The following ACMSD variants were observed in gnomAD, a reference collection of about 807,000 sequenced individuals.
ACMSD encodes the protein aminocarboxymuconate semialdehyde decarboxylase.
ACMSD carries 37 observed loss-of-function variants against 45.9 expected under a neutral mutation model. The ratio of observed to expected loss-of-function variants is 0.81; its 90% CI spans 0.62 to 1.06. The LOEUF is 1.06. Ranked by LOEUF, ACMSD falls within the 50% of genes least tolerant of loss-of-function variation. The pLI, the probability that ACMSD is intolerant of heterozygous loss-of-function variation, is 0.00. For synonymous variants in ACMSD, 138 were observed against 148.8 expected (o/e 0.93, Z 0.53); for missense variants, 434 against 420.9 (o/e 1.03, Z -0.27).
intron 1 of ACMSD, among the ~76,000 whole-genome samples, chr2:134,840,488 C>A (rs1573607495): frequency 1.3e-5 from 2 of 152,290 alleles, no homozygotes; most frequent in South Asian, 4.1e-4. Flanking sequence ...TTAGGAGATG[C>A]AGCCTTCTGG....
intron 8 of ACMSD, among the ~76,000 whole-genome samples, chr2:134,892,839 C>G (rs1689878584): frequency 6.6e-6 from 1 of 152,154 alleles, no homozygotes; most frequent in South Asian, 2.1e-4. Context: ...TGAGTAAATA[C>G]TTAGATGACA....
intron 1 of ACMSD, among the ~76,000 whole-genome samples, chr2:134,841,001 G>A (rs545426435): frequency 6.6e-6 from 1 of 152,296 alleles, no homozygotes; most frequent in East Asian, 1.9e-4. Flanking sequence ...TTATGAGTGA[G>A]AACATATGAT....
At chr2:134,890,962 A>G (rs1007766023) in intron 8 of ACMSD, among the ~76,000 whole-genome samples, 1 of 151,942 alleles carries the variant, frequency 6.6e-6, no homozygotes, top group Non-Finnish European at 1.5e-5. Context: ...TCTTTGCTCA[A>G]TTTTTAATGG....
Position 134,886,250 on chromosome 2 carries a change from T to A in ACMSD, c.850-12091T>A, listed in dbSNP as rs962910796. On this transcript the variant is annotated intron_variant, in intron 8 of 9. Transcript: ENST00000356140. ...TACCCATTCATTATTATTATTATTTTTTTTTTTTTTTTTTTTTTGGCAGAG... is the reference window on the plus strand; with the variant it reads ...TACCCATTCATTATTATTATTATTTATTTTTTTTTTTTTTTTTTGGCAGAG... Among the ~76,000 whole-genome samples, 351 of 137,284 alleles carry A rather than the reference T, an allele frequency of 2.6e-3. 2 individuals are homozygous for A. Among genetic ancestry groups the A allele is most frequent in the African/African-American group, 7.3e-3 (260 of 35,760 alleles). The allele number at this position is 137,284 out of a possible 152,430, so 90.1% of individuals were successfully genotyped here. A position where few individuals can be genotyped will look rare whatever the true frequency, so the allele number is the denominator to read the frequency against.
chr2:134,848,753 T>C (rs1687197876), intron 2 of ACMSD, among the ~76,000 whole-genome samples: 1 of 152,250 alleles, frequency 6.6e-6, no homozygotes, highest in Admixed American at 6.5e-5. Context: ...TAGTTTATTT[T>C]GCTATGCAGA....
rs1300580743 is a variant in ACMSD, at chr2:134,840,194, C to CAAAACAAAAAAAAAA, written c.57+1455_57+1456insAAAACAAAAAAAAAA. ...AAAAAAAAAAAAAAAAAAAAAAAAA[C>CAAAACAAAAAAAAAA]CACTAATTCCTCTGTTACAGCTTTT... On this transcript the variant is annotated intron_variant, in intron 1 of 9. Transcript: ENST00000356140. Among the ~76,000 whole-genome samples the CAAAACAAAAAAAAAA allele has an allele frequency of 1.2e-4, 8 of 68,766 alleles. 1 individual carries two copies. The South Asian group carries it at 4.7e-3, about 40-fold the overall frequency. The allele number at this position is 68,766 out of a possible 152,430, so 45.1% of individuals were successfully genotyped here.
chr2:134,898,236 G>A (rs569058214), intron 8 of ACMSD, 105 bp from the exon 9 acceptor site: 2 of 597,368 alleles, frequency 3.3e-6, no homozygotes, highest in East Asian at 6.6e-5. Context: ...AGGAAAAAAT[G>A]TGTTATTTTT....
chr2:134,885,377 AAT>A lies in ACMSD; in HGVS notation c.849+12743_849+12744del, dbSNP rs1468944083. 4.8e-5 allele frequency among the ~76,000 whole-genome samples: 5 copies of A among 105,090 alleles called. No individual in the cohort carries two copies. In the East Asian group the frequency reaches 7.5e-4, roughly 16 times the overall value. The allele number at this position is 105,090 out of a possible 152,430, so 68.9% of individuals were successfully genotyped here. On this transcript the variant is annotated intron_variant, in intron 8 of 9. Transcript: ENST00000356140. ...ATATATTTACATATATATTATATAT[AAT>A]ATATATGTAAATATATATATTTATA... is the stretch of plus-strand genomic sequence containing the variant.
chr2:134,851,603 C>T (rs1032848473), intron 2 of ACMSD, among the ~76,000 whole-genome samples: 6 of 152,066 alleles, frequency 3.9e-5, no homozygotes, highest in Admixed American at 1.3e-4. Flanking sequence ...GCACCATATC[C>T]GGCTAATTTT....
chr2:134,867,474 C>A, intron 5 of ACMSD, 105 bp from the exon 6 acceptor site: 1 of 777,476 alleles, frequency 1.3e-6, no homozygotes. Context: ...TTTATTTGTG[C>A]AGACCAATAT....
Position 134,849,835 on chromosome 2 carries a change from C to T in ACMSD, c.102+4558C>T, listed in dbSNP as rs545419665. On this transcript the variant is annotated intron_variant, in intron 2 of 9. Coordinates refer to ENST00000356140, the MANE Select transcript of ACMSD (RefSeq NM_138326.3). ...TGCATGGGGTGGGAGCAGAATTGTGCCCTGATGGCAAAGACACCTGGGAGC... is the reference window on the plus strand; with the variant it reads ...TGCATGGGGTGGGAGCAGAATTGTGTCCTGATGGCAAAGACACCTGGGAGC... 5.9e-5 allele frequency among the ~76,000 whole-genome samples: 9 copies of T among 152,172 alleles called. No homozygotes were observed. In the East Asian group the frequency reaches 1.7e-3, roughly 29 times the overall value.
intron 1 of ACMSD, among the ~76,000 whole-genome samples, chr2:134,842,648 C>T (rs1244327801): frequency 6.6e-6 from 1 of 152,168 alleles, no homozygotes; most frequent in Non-Finnish European, 1.5e-5. Flanking sequence ...TCACCATCAG[C>T]ATCATTGTTA....
chr2:134,862,840 G>T (rs1178060970), intron 4 of ACMSD: 5 of 380,568 alleles, frequency 1.3e-5, no homozygotes, highest in Non-Finnish European at 1.8e-5. Flanking sequence ...AAACAGTGAA[G>T]AAGGGAGCAT....
chr2:134,846,409 A>G (rs992238454), intron 2 of ACMSD, among the ~76,000 whole-genome samples: 2 of 152,008 alleles, frequency 1.3e-5, no homozygotes, highest in African/African-American at 4.8e-5. Context: ...TTTTTTAATT[A>G]TTAATTTTTT....
chr2:134,893,465 G>A (rs181109131), intron 8 of ACMSD, among the ~76,000 whole-genome samples: 1 of 152,186 alleles, frequency 6.6e-6, no homozygotes, highest in East Asian at 1.9e-4. Context: ...TGAGATTACA[G>A]GTTTGAACCA....
chr2:134,896,482 T>C (rs1032544632), intron 8 of ACMSD, among the ~76,000 whole-genome samples: 2 of 152,272 alleles, frequency 1.3e-5, no homozygotes, highest in Non-Finnish European at 2.9e-5. Flanking sequence ...TGGACATGAA[T>C]GTACACAAGG....
chr2:134,873,078 A>T (rs77259636), intron 8 of ACMSD: 2,374 of 168,428 alleles, frequency 0.014, 16 homozygotes, highest in Middle Eastern at 0.043. Flanking sequence ...CATCCACTAC[A>T]TGGAGAAAAC....
At chr2:134,897,156 AAAAAG>A (rs1042870825) in intron 8 of ACMSD, among the ~76,000 whole-genome samples, 1 of 152,158 alleles carries the variant, frequency 6.6e-6, no homozygotes, top group African/African-American at 2.4e-5. Flanking sequence ...ATCTCAAAAA[AAAAAG>A]AAAAGGGGAT....
intron 8 of ACMSD, among the ~76,000 whole-genome samples, chr2:134,875,524 T>C (rs145736147): frequency 6.6e-6 from 1 of 152,360 alleles, no homozygotes; most frequent in African/African-American, 2.4e-5. Context: ...CTTGGTTGCA[T>C]AATCTCTTGG....
Sources: gnomAD v4.1 joint callset for allele counts (sites outside exome capture counted in the v4.1 genomes callset) on GRCh38, gnomAD v4.1.1 for gene constraint, MANE v1.5 for transcripts, NCBI Gene and HGNC (gene_info 2026-07-23, HGNC 2026-07-21) for gene names.